BRD10: variants seen among roughly 807,000 people sequenced by gnomAD.
BRD10 encodes uncharacterized bromodomain-containing protein 10.
At chr9:5,969,789 G>A in the BRD10 span, among the ~76,000 whole-genome samples, 5 of 152,050 alleles carry the variant, frequency 3.3e-5, no homozygotes, top group South Asian at 4.1e-4. Flanking sequence ...CAGGTGATCC[G>A]CCTGCCTCGG....
chr9:5,970,655 T>C, the BRD10 span, among the ~76,000 whole-genome samples: 855 of 152,214 alleles, frequency 5.6e-3, 9 homozygotes, highest in African/African-American at 0.02. Context: ...ACTCACAGGA[T>C]GGGAGGATGT....
the BRD10 span, among the ~76,000 whole-genome samples, chr9:5,998,742 TA>T: frequency 6.6e-6 from 1 of 152,176 alleles, no homozygotes; most frequent in East Asian, 1.9e-4. Context: ...ATGAAACTTT[TA>T]AAATAAGTCT....
At chr9:5,916,431 A>C in the BRD10 span, among the ~76,000 whole-genome samples, 3 of 151,998 alleles carry the variant, frequency 2.0e-5, no homozygotes, top group Admixed American at 6.6e-5. Context: ...TACACCAATA[A>C]AATTGGAGAC....
the BRD10 span, among the ~76,000 whole-genome samples, chr9:5,993,108 G>C: frequency 2.0e-5 from 3 of 152,036 alleles, no homozygotes; most frequent in Non-Finnish European, 4.4e-5. Flanking sequence ...ATGAGGTCAG[G>C]AGTTTGAGAC....
the BRD10 span, among the ~76,000 whole-genome samples, chr9:5,942,393 G>T: frequency 6.6e-6 from 1 of 152,052 alleles, no homozygotes; most frequent in Non-Finnish European, 1.5e-5. Flanking sequence ...ATGCTAAACT[G>T]GCAGTAAACA....
chr9:5,917,048 C>A, the BRD10 span, among the ~76,000 whole-genome samples: 1 of 152,056 alleles, frequency 6.6e-6, no homozygotes, highest in Admixed American at 6.5e-5. Flanking sequence ...GTAAACTAGA[C>A]CTTAAATAAG....
chr9:5,988,290 A>C, the BRD10 span: 1 of 1,313,356 alleles, frequency 7.6e-7, no homozygotes. Context: ...GAAATCTGAT[A>C]TGGGCACATA....
chr9:6,008,192 A>AG, the BRD10 span: 351 of 968,692 alleles, frequency 3.6e-4, no homozygotes, highest in Non-Finnish European at 4.2e-4. Context: ...GCGAGGAGGA[A>AG]GGGGGTTCTC....
the BRD10 span, chr9:5,920,871 C>A: frequency 1.2e-6 from 2 of 1,613,912 alleles, no homozygotes; most frequent in Non-Finnish European, 1.7e-6. Flanking sequence ...GTTGATATAG[C>A]CACAGTGTTT....
the BRD10 span, among the ~76,000 whole-genome samples, chr9:5,948,526 T>C: frequency 6.6e-6 from 1 of 151,938 alleles, no homozygotes; most frequent in South Asian, 2.1e-4. Flanking sequence ...CATGACCGTA[T>C]CTCAGAACTA....
the BRD10 span, among the ~76,000 whole-genome samples, chr9:5,979,810 G>A: frequency 6.6e-6 from 1 of 151,946 alleles, no homozygotes; most frequent in African/African-American, 2.4e-5. Context: ...GAGGTCAGGA[G>A]TTCCACACCA....
At chr9:5,895,452 A>G in the BRD10 span, among the ~76,000 whole-genome samples, 1 of 152,128 alleles carries the variant, frequency 6.6e-6, no homozygotes, top group Non-Finnish European at 1.5e-5. Flanking sequence ...CATTAAAACA[A>G]TGCATCCCTA....
chr9:6,005,263 C>A, the BRD10 span, among the ~76,000 whole-genome samples: 5 of 151,630 alleles, frequency 3.3e-5, no homozygotes, highest in African/African-American at 1.2e-4. Context: ...GTAATCCCAG[C>A]ACTTTGGGAG....
the BRD10 span, chr9:5,922,753 G>A: frequency 6.2e-7 from 1 of 1,613,960 alleles, no homozygotes; most frequent in South Asian, 1.1e-5. Context: ...TCTTTACAGA[G>A]CTATTTTGAA....
At chr9:5,943,791 T>TA in the BRD10 span, among the ~76,000 whole-genome samples, 4 of 152,210 alleles carry the variant, frequency 2.6e-5, no homozygotes, top group Admixed American at 6.5e-5. Flanking sequence ...GTTTTCTTGC[T>TA]AATTGATGAC....
chr9:5,880,036 C>A, the BRD10 span, among the ~76,000 whole-genome samples: 1 of 151,952 alleles, frequency 6.6e-6, no homozygotes, highest in Non-Finnish European at 1.5e-5. Context: ...TCTCCAACTT[C>A]AACCTCCCAA....
chr9:5,991,849 G>A, the BRD10 span, among the ~76,000 whole-genome samples: 1 of 151,312 alleles, frequency 6.6e-6, no homozygotes, highest in Non-Finnish European at 1.5e-5. Flanking sequence ...TATGGCCTTC[G>A]CCTACCTCTC....
the BRD10 span, among the ~76,000 whole-genome samples, chr9:5,990,587 C>G: frequency 2.2e-4 from 34 of 151,910 alleles, no homozygotes; most frequent in African/African-American, 7.2e-4. Flanking sequence ...GAACAAAGAC[C>G]AAAGAGAAAG....
At chr9:5,884,682 G>A in the BRD10 span, among the ~76,000 whole-genome samples, 1 of 152,142 alleles carries the variant, frequency 6.6e-6, no homozygotes, top group Admixed American at 6.5e-5. Flanking sequence ...CAAGAATCTG[G>A]GGTGGCTCTA....
Sources: gnomAD v4.1 joint callset for allele counts (sites outside exome capture counted in the v4.1 genomes callset) on GRCh38, gnomAD v4.1.1 for gene constraint, MANE v1.5 for transcripts, NCBI Gene and HGNC (gene_info 2026-07-23, HGNC 2026-07-21) for gene names.